Variants in FRYL observed in about 807,000 individuals in gnomAD.
The protein encoded by FRYL is FRY like transcription coactivator, also known as protein furry homolog-like.
FRYL carries 150 observed loss-of-function variants against 351.2 expected under a neutral mutation model. The observed-to-expected ratio is 0.43, with a 90% CI of 0.37 to 0.49. The LOEUF (loss-of-function observed/expected upper bound fraction) is 0.49, where lower values mean the gene tolerates loss of function less well. FRYL is among the 20% of genes least tolerant of loss of function. The pLI is 0.00. For missense variants in FRYL, 3,036 were observed against 3,619.3 expected (o/e 0.84, Z 4.13); for synonymous variants, 1,153 against 1,257.1 (o/e 0.92, Z 1.75).
At position 48,498,886 on chromosome 4, in the gene FRYL, T is replaced by C. The variant is rs949997237; in HGVS notation, c.*536A>G. On this transcript the variant is annotated 3_prime_UTR_variant, in exon 64 of 64. Coordinates refer to ENST00000358350, the MANE Select transcript of FRYL (RefSeq NM_015030.2). ...AAAAAACCCAAACCCTTATCCCACATACTGAAAAATCAATGGTTTTTGCAA... is the reference window on the plus strand; with the variant it reads ...AAAAAACCCAAACCCTTATCCCACACACTGAAAAATCAATGGTTTTTGCAA... 2 of 159,132 alleles carry C rather than the reference T, an allele frequency of 1.3e-5. No homozygotes were observed. Among genetic ancestry groups the C allele is most frequent in the African/African-American group, 2.4e-5 (1 of 41,470 alleles). 9.9% of individuals were successfully genotyped at this position (159,132 alleles called of 1,614,324 possible). A position where few individuals can be genotyped will look rare whatever the true frequency, so the allele number is the denominator to read the frequency against.
At chr4:48,703,687 A>G (rs968263357) in intron 2 of FRYL, among the ~76,000 whole-genome samples, 1 of 152,176 alleles carries the variant, frequency 6.6e-6, no homozygotes, top group Non-Finnish European at 1.5e-5. Flanking sequence ...CTCCAATGTA[A>G]TAATGTGTCC....
At chr4:48,761,572 G>T (rs1774424345) in intron 1 of FRYL, among the ~76,000 whole-genome samples, 1 of 152,116 alleles carries the variant, frequency 6.6e-6, no homozygotes, top group African/African-American at 2.4e-5. Context: ...TTCTACTCCT[G>T]TAAACTCCAT....
chr4:48,635,698 G>C (rs1233766171), intron 3 of FRYL, among the ~76,000 whole-genome samples: 1 of 152,124 alleles, frequency 6.6e-6, no homozygotes, highest in Admixed American at 6.6e-5. Context: ...CCCATATGTT[G>C]CTATGTCGAT....
intron 3 of FRYL, among the ~76,000 whole-genome samples, chr4:48,658,109 T>A (rs1246740412): frequency 2.0e-5 from 3 of 152,030 alleles, no homozygotes; most frequent in Admixed American, 6.6e-5. Context: ...TAGATATGGA[T>A]CTGAATAAAA....
chr4:48,614,290 C>G (rs1017751498), intron 7 of FRYL, among the ~76,000 whole-genome samples: 2 of 152,112 alleles, frequency 1.3e-5, no homozygotes, highest in Non-Finnish European at 2.9e-5. Context: ...AATCTCATTT[C>G]GGGTCACAAA....
chr4:48,525,709 A>AT (rs1725993285), intron 53 of FRYL, among the ~76,000 whole-genome samples: 1 of 151,940 alleles, frequency 6.6e-6, no homozygotes, highest in African/African-American at 2.4e-5. Flanking sequence ...ATGAATGTGT[A>AT]TGAGCTGTAT....
At chr4:48,707,219 T>G in intron 2 of FRYL, among the ~76,000 whole-genome samples, 1 of 152,252 alleles carries the variant, frequency 6.6e-6, no homozygotes, top group Non-Finnish European at 1.5e-5. Flanking sequence ...ATCATGATTT[T>G]TTTATAATAT....
intron 31 of FRYL, among the ~76,000 whole-genome samples, chr4:48,563,207 T>C (rs1337623914): frequency 2.0e-5 from 3 of 151,966 alleles, no homozygotes; most frequent in Non-Finnish European, 4.4e-5. Context: ...TTCAACCTTT[T>C]GGCTTCCCTG....
At chr4:48,605,969 A>G (rs1746704606) in intron 10 of FRYL, 136 bp from the exon 11 acceptor site, 1 of 595,686 alleles carries the variant, frequency 1.7e-6, no homozygotes, top group Admixed American at 3.5e-5. Context: ...TCAAAAAACA[A>G]AGCTGGCTGG....
chr4:48,586,641 G>C lies in FRYL; in HGVS notation c.1728C>G (p.Asp576Glu). ...TTTACCTTGCTAACAATTCAATCAG[G>C]TCAGTTCTGCTCATACCGTCAGGAA... ...RLIPDGMSRT[D>E]LIELLARLTI... The change falls in exon 19 of 64, where the codon GAC becomes GAG. Residue 576 changes from aspartate to glutamate, a missense_variant. By Grantham distance (45) the Asp-to-Glu change is conservative. Transcript: ENST00000358350. 1 of 1,610,268 alleles carries C rather than the reference G, an allele frequency of 6.2e-7. No homozygotes were observed. The highest frequency in any genetic ancestry group is 8.5e-7 in the Non-Finnish European group (1 of 1,176,948).
intron 1 of FRYL, among the ~76,000 whole-genome samples, chr4:48,747,546 A>G (rs1214281692): frequency 6.6e-6 from 1 of 152,262 alleles, no homozygotes; most frequent in African/African-American, 2.4e-5. Flanking sequence ...TTTACCAAAG[A>G]TCATCTCATT....
intron 3 of FRYL, among the ~76,000 whole-genome samples, chr4:48,669,617 T>G: frequency 6.7e-6 from 1 of 148,726 alleles, no homozygotes; most frequent in Non-Finnish European, 1.5e-5. Flanking sequence ...ATATATAATT[T>G]TTATTACATA....
chr4:48,629,978 G>A (rs1415421750), intron 4 of FRYL, among the ~76,000 whole-genome samples: 1 of 152,148 alleles, frequency 6.6e-6, no homozygotes, highest in African/African-American at 2.4e-5. Context: ...GGCATACAAT[G>A]GTTGAAGAGG....
rs555311973 is a variant in FRYL at position 48,719,940 on chromosome 4, C to T, written c.-383-9242G>A. Among the ~76,000 whole-genome samples, 336 of 149,336 alleles carry T rather than the reference C, an allele frequency of 2.2e-3. 5 individuals are homozygous for T. Among genetic ancestry groups the T allele is most frequent in the African/African-American group, 5.0e-3 (205 of 40,692 alleles). ...GCTGAGGTGAGTGGATCACGAGGTC[C>T]GGAGATCGAGACCATCCTGGCCAAC... On this transcript the variant is annotated intron_variant, in intron 1 of 63. Coordinates refer to ENST00000358350, the MANE Select transcript of FRYL (RefSeq NM_015030.2).
chr4:48,654,367 T>C (rs1758385565), intron 3 of FRYL, among the ~76,000 whole-genome samples: 1 of 151,870 alleles, frequency 6.6e-6, no homozygotes, highest in African/African-American at 2.4e-5. Flanking sequence ...CAACATCAGT[T>C]TCCTCTAGGT....
At chr4:48,649,509 C>T (rs1281886579) in intron 3 of FRYL, among the ~76,000 whole-genome samples, 1 of 152,178 alleles carries the variant, frequency 6.6e-6, no homozygotes, top group Non-Finnish European at 1.5e-5. Context: ...ACAGCAAATG[C>T]ATCTGTGATC....
rs377659561 is a variant in FRYL at position 48,546,127 on chromosome 4, A to G, written c.5219T>C (p.Val1740Ala). ...TCCATCCTGCTCCACTGAGATGTCA[A>G]CCTCATTGAGGATAGTGGTGTGCAG... ...SHLHTTILNE[V>A]DISVEQDGKV... The change falls in exon 42 of 64, where the codon GTT becomes GCT. Residue 1740 changes from valine (V) to alanine (A), a missense_variant. Val to Ala is a moderately conservative substitution (Grantham distance 64, BLOSUM62 0). Coordinates refer to ENST00000358350, the MANE Select transcript of FRYL (RefSeq NM_015030.2). 6.2e-7 allele frequency: 1 copy of G among 1,613,582 alleles called. No homozygotes were observed. The highest frequency in any genetic ancestry group is 1.3e-5 in the African/African-American group (1 of 74,892).
Position 48,521,783 on chromosome 4 carries a change from G to A in FRYL, c.7522-568C>T, listed in dbSNP as rs533241317. 9.2e-5 allele frequency among the ~76,000 whole-genome samples: 14 copies of A among 152,280 alleles called. No homozygotes were observed. The South Asian group carries it at 2.5e-3, about 27-fold the overall frequency. On this transcript the variant is annotated intron_variant, in intron 54 of 63. Transcript: ENST00000358350. ...TGGCTGCCATTAGCAGCAGCGGTTGGTCATTGAACACTTAAATGGGAGAGG... is the reference window on the plus strand; with the variant it reads ...TGGCTGCCATTAGCAGCAGCGGTTGATCATTGAACACTTAAATGGGAGAGG...
At chr4:48,586,584 A>G in intron 19 of FRYL, 37 bp downstream of exon 19, 1 of 1,316,834 alleles carries the variant, frequency 7.6e-7, no homozygotes, top group Non-Finnish European at 1.1e-6. Flanking sequence ...GGAGCAGAAG[A>G]CATAAAACAA....
Sources: allele counts gnomAD v4.1 joint callset (sites outside exome capture counted in the v4.1 genomes callset), GRCh38; gene constraint gnomAD v4.1.1; transcripts MANE v1.5; gene names NCBI Gene and HGNC (gene_info 2026-07-23, HGNC 2026-07-21).